Variants in VTI1A observed in about 807,000 individuals in gnomAD.
VTI1A encodes the protein vesicle transport through interaction with t-SNAREs homolog 1A.
VTI1A carries 22 observed loss-of-function variants against 34.9 expected under a neutral mutation model. That is an observed-to-expected ratio of 0.63 (90% CI 0.45 to 0.90). VTI1A has a LOEUF of 0.90. VTI1A is among the 40% of genes least tolerant of loss of function. VTI1A has a pLI of 0.00. For missense variants in VTI1A, 268 were observed against 275.6 expected (o/e 0.97, Z 0.20); for synonymous variants, 87 against 97.3 (o/e 0.89, Z 0.62).
intron 5 of VTI1A, among the ~76,000 whole-genome samples, chr10:112,656,331 A>AT (rs1847227019): frequency 6.6e-6 from 1 of 150,574 alleles, no homozygotes; most frequent in Non-Finnish European, 1.5e-5. Flanking sequence ...AAGAAATAAC[A>AT]TTTTGTTGAA....
chr10:112,488,824 G>A (rs571427552), intron 3 of VTI1A, among the ~76,000 whole-genome samples: 7 of 152,212 alleles, frequency 4.6e-5, no homozygotes, highest in South Asian at 2.1e-4. Flanking sequence ...AAGCACTGTT[G>A]GGGAATGCAA....
chr10:112,854,449 T>C, the VTI1A span, among the ~76,000 whole-genome samples: 1 of 152,166 alleles, frequency 6.6e-6, no homozygotes, highest in Non-Finnish European at 1.5e-5. Flanking sequence ...CCACTATAGA[T>C]GTCTCTAATG....
intron 5 of VTI1A, among the ~76,000 whole-genome samples, chr10:112,646,731 G>A (rs1419787509): frequency 3.3e-5 from 5 of 151,874 alleles, no homozygotes; most frequent in Non-Finnish European, 5.9e-5. Flanking sequence ...GGCTGATCTC[G>A]AACTCGTGAC....
chr10:112,822,597 G>A (rs1853673679), downstream of VTI1A, among the ~76,000 whole-genome samples: 2 of 152,092 alleles, frequency 1.3e-5, no homozygotes, highest in Non-Finnish European at 2.9e-5. Context: ...CACATCCAGG[G>A]GTCTTGGCAC....
Position 112,585,483 on chromosome 10 carries a change from A to G in VTI1A, c.427+47153A>G, listed in dbSNP as rs141316757. 2.5e-3 allele frequency among the ~76,000 whole-genome samples: 374 copies of G among 152,322 alleles called. 1 individual carries two copies. The highest frequency in any genetic ancestry group is 8.7e-3 in the African/African-American group (363 of 41,578). On this transcript the variant is annotated intron_variant, in intron 5 of 7. Coordinates refer to ENST00000393077, the MANE Select transcript of VTI1A (RefSeq NM_145206.4). ...GAACTTTCTGTACAATAAAGTTAGC[A>G]TTTAGAGTCATCCTAACATATGCAA...
At chr10:112,671,633 C>T (rs1211789979) in intron 7 of VTI1A, among the ~76,000 whole-genome samples, 2 of 152,144 alleles carry the variant, frequency 1.3e-5, no homozygotes, top group Non-Finnish European at 2.9e-5. Flanking sequence ...AGCCATTTTA[C>T]GTATGGTCTG....
intron 3 of VTI1A, among the ~76,000 whole-genome samples, chr10:112,484,134 C>T (rs995995795): frequency 1.1e-4 from 16 of 152,190 alleles, no homozygotes; most frequent in African/African-American, 3.9e-4. Flanking sequence ...AGCAGGTACA[C>T]TAGATTAAAG....
chr10:112,541,984 AAGC>A (rs1850888007), intron 5 of VTI1A, among the ~76,000 whole-genome samples: 2 of 152,096 alleles, frequency 1.3e-5, no homozygotes, highest in South Asian at 4.1e-4. Context: ...TGTGAATAAA[AAGC>A]AGCTCTTTTT....
Position 112,546,014 on chromosome 10 carries a change from GTATATA to G in VTI1A, c.427+7685_427+7690del, listed in dbSNP as rs1564821394. On this transcript the variant is annotated intron_variant, in intron 5 of 7. Coordinates refer to ENST00000393077, the MANE Select transcript of VTI1A (RefSeq NM_145206.4). The stretch of plus-strand genomic sequence containing the variant: ...TATACGTGTATACGCGTATGTGTGT[GTATATA>G]CGTGTATACGCGTATGTGTGTGTAT... Among the ~76,000 whole-genome samples the G allele has an allele frequency of 9.1e-3, 1,267 of 139,620 alleles. 37 individuals carry two copies. The highest frequency in any genetic ancestry group is 0.017 in the Middle Eastern group (5 of 288). The allele number at this position is 139,620 out of a possible 152,430, so 91.6% of individuals were successfully genotyped here. A position where few individuals can be genotyped will look rare whatever the true frequency, so the allele number is the denominator to read the frequency against.
Position 112,448,043 on chromosome 10 carries a change from TA to T in VTI1A, c.94+579del, listed in dbSNP as rs548354871. 1.5e-3 allele frequency among the ~76,000 whole-genome samples: 221 copies of T among 152,000 alleles called. 1 individual carries two copies. Among genetic ancestry groups the T allele is most frequent in the African/African-American group, 5.2e-3 (215 of 41,312 alleles). ...AGAGTGAAACTCCGTCTCAAATAAA[TA>T]AATAAAATAAAAGTTGTGCCTCTTA... is the stretch of plus-strand genomic sequence containing the variant. On this transcript the variant is annotated intron_variant, in intron 1 of 7. Coordinates refer to ENST00000393077, the MANE Select transcript of VTI1A (RefSeq NM_145206.4).
chr10:112,482,968 G>A (rs1848501973), intron 3 of VTI1A, among the ~76,000 whole-genome samples: 1 of 152,140 alleles, frequency 6.6e-6, no homozygotes, highest in African/African-American at 2.4e-5. Context: ...ACTGGCAAGT[G>A]ACAAGAGGCA....
chr10:112,654,683 C>T (rs34172599), intron 5 of VTI1A, among the ~76,000 whole-genome samples: 17,920 of 151,980 alleles, frequency 0.12, 1,141 homozygotes, highest in Admixed American at 0.17. Context: ...TTAGTAGAGA[C>T]GGGGTTTCAC....
At chr10:112,709,059 A>G (rs1159917424) in intron 7 of VTI1A, among the ~76,000 whole-genome samples, 1 of 152,066 alleles carries the variant, frequency 6.6e-6, no homozygotes, top group East Asian at 1.9e-4. Flanking sequence ...CGGGAGGGGT[A>G]CGTGTCCCCT....
intron 7 of VTI1A, among the ~76,000 whole-genome samples, chr10:112,755,213 G>A (rs938993440): frequency 2.0e-5 from 3 of 152,106 alleles, no homozygotes; most frequent in African/African-American, 7.2e-5. Context: ...CCGAGATTGT[G>A]CCACTGCACT....
rs549813419 is a variant in VTI1A at position 112,680,885 on chromosome 10, G to T, written c.560+11887G>T. Reference sequence around the variant, plus strand: ...AGCTTCAAGGTAATAGCTCCTAGCGGCAGAATTTGAATCCTTGCAGGCAAA... The same window carrying T: ...AGCTTCAAGGTAATAGCTCCTAGCGTCAGAATTTGAATCCTTGCAGGCAAA... On this transcript the variant is annotated intron_variant, in intron 7 of 7. Transcript: ENST00000393077. 4.6e-5 allele frequency among the ~76,000 whole-genome samples: 7 copies of T among 152,210 alleles called. No homozygotes were observed. In the East Asian group the frequency reaches 1.4e-3, roughly 30 times the overall value.
chr10:112,798,133 G>A (rs375357112), intron 7 of VTI1A, among the ~76,000 whole-genome samples: 26 of 152,274 alleles, frequency 1.7e-4, no homozygotes, highest in Middle Eastern at 3.4e-3. Context: ...TCAGGCTGGC[G>A]GTGTTAGGTC....
chr10:112,625,429 A>G (rs778353716), intron 5 of VTI1A, among the ~76,000 whole-genome samples: 95 of 152,208 alleles, frequency 6.2e-4, no homozygotes, highest in Non-Finnish European at 7.8e-4. Context: ...ACCTGAGGTC[A>G]GGAGTAAAAA....
rs560023859 is a variant in VTI1A at position 112,503,154 on chromosome 10, A to G, written c.265-23933A>G. On this transcript the variant is annotated intron_variant, in intron 3 of 7. Transcript: ENST00000393077. The stretch of plus-strand genomic sequence containing the variant: ...ATTCTCTTGTGGTATTGAAATGTAC[A>G]GTAGATTAATGTTAACTCTAGTCAT... Among the ~76,000 whole-genome samples the G allele has an allele frequency of 3.3e-5, 5 of 152,294 alleles. No homozygotes were observed. The East Asian group carries it at 9.6e-4, about 29-fold the overall frequency.
chr10:112,712,507 C>T (rs945759019), intron 7 of VTI1A, among the ~76,000 whole-genome samples: 2 of 151,524 alleles, frequency 1.3e-5, no homozygotes, highest in Non-Finnish European at 2.9e-5. Flanking sequence ...CACACACACA[C>T]ACACATTAAA....
Sources: allele counts gnomAD v4.1 joint callset (sites outside exome capture counted in the v4.1 genomes callset), GRCh38; gene constraint gnomAD v4.1.1; transcripts MANE v1.5; gene names NCBI Gene and HGNC (gene_info 2026-07-23, HGNC 2026-07-21).